The following STS variants were observed in gnomAD, a reference collection of about 807,000 sequenced individuals.
STS encodes the protein steroid sulfatase, also known as steryl-sulfatase.
STS carries 7 observed loss-of-function variants against 26.8 expected under a neutral mutation model. The ratio of observed to expected loss-of-function variants is 0.26; its 90% confidence interval spans 0.15 to 0.49. STS has a LOEUF of 0.49. Among genes scored for constraint, STS ranks in the 20% least tolerant of loss-of-function variants. The probability of loss-of-function intolerance (pLI) is 0.98; values close to 1 mark genes in which losing one functional copy is unlikely to be tolerated. For missense variants in STS, 434 were observed against 465.6 expected (o/e 0.93, Z 0.63); for synonymous variants, 199 against 189.4 (o/e 1.05, Z -0.42).
intron 9 of STS, among the ~76,000 whole-genome samples, chrX:7,331,575 G>T (rs1413096755): frequency 9.0e-6 from 1 of 111,519 alleles, no homozygotes; most frequent in Non-Finnish European, 1.9e-5. Flanking sequence ...AAGTGGATTG[G>T]CCCATCTCCC....
intron 1 of STS, among the ~76,000 whole-genome samples, chrX:7,167,969 C>T (rs1933386362): frequency 9.0e-6 from 1 of 111,383 alleles, no homozygotes; most frequent in Admixed American, 9.6e-5. Context: ...GCTGGGATTA[C>T]AGGCATGAGC....
intron 2 of STS, among the ~76,000 whole-genome samples, chrX:7,197,386 A>G (rs1483724499): frequency 9.0e-5 from 10 of 111,304 alleles, no homozygotes; most frequent in African/African-American, 3.3e-4. Flanking sequence ...CTTGTGCAAG[A>G]AGGAATTCAG....
intron 9 of STS, among the ~76,000 whole-genome samples, chrX:7,327,469 C>T (rs1387449192): frequency 1.9e-5 from 2 of 107,265 alleles, no homozygotes; most frequent in Non-Finnish European, 3.8e-5. Flanking sequence ...CTGCAACCTG[C>T]GACTCCCAAG....
At chrX:7,345,045 G>A (rs1319996753) in intron 10 of STS, among the ~76,000 whole-genome samples, 19 of 110,940 alleles carry the variant, frequency 1.7e-4, no homozygotes, top group Non-Finnish European at 1.9e-5. Flanking sequence ...GTCACTATGA[G>A]AAGCCAGAAG....
chrX:7,250,757 G>A (rs1267976381), intron 2 of STS, among the ~76,000 whole-genome samples: 1 of 112,243 alleles, frequency 8.9e-6, no homozygotes, highest in Non-Finnish European at 1.9e-5. Flanking sequence ...TTCAGTATTT[G>A]GATATACAGT....
chrX:7,241,463 T>C (rs185910553), intron 2 of STS, among the ~76,000 whole-genome samples: 161 of 111,953 alleles, frequency 1.4e-3, no homozygotes, highest in South Asian at 4.1e-3. Flanking sequence ...CTTTCAACTT[T>C]CAGTTATAAA....
intron 2 of STS, among the ~76,000 whole-genome samples, chrX:7,224,694 G>A (rs1921725378): frequency 8.9e-6 from 1 of 111,766 alleles, no homozygotes; most frequent in South Asian, 3.8e-4. Flanking sequence ...AATTTCTGTT[G>A]CTTATAAGCT....
intron 1 of STS, among the ~76,000 whole-genome samples, chrX:7,189,494 T>G (rs1472394556): frequency 8.9e-6 from 1 of 112,449 alleles, no homozygotes; most frequent in Non-Finnish European, 1.9e-5. Context: ...TGGAGGCAGC[T>G]GTGTTCTGAT....
intron 1 of STS, among the ~76,000 whole-genome samples, chrX:7,187,095 G>A (rs1185440724): frequency 5.4e-5 from 6 of 112,026 alleles, no homozygotes; most frequent in African/African-American, 1.6e-4. Flanking sequence ...TGCTAAGTGT[G>A]TCAGCCATCA....
intron 6 of STS, among the ~76,000 whole-genome samples, chrX:7,275,650 C>A (rs1386102898): frequency 9.0e-6 from 1 of 110,783 alleles, no homozygotes; most frequent in Non-Finnish European, 1.9e-5. Context: ...CAACAAAAAA[C>A]AAATATAGGC....
At chrX:7,160,618 A>G (rs1217352507) in intron 1 of STS, among the ~76,000 whole-genome samples, 1 of 111,869 alleles carries the variant, frequency 8.9e-6, no homozygotes, top group Non-Finnish European at 1.9e-5. Context: ...CTCATATATG[A>G]AAATACTGCA....
chrX:7,301,051 G>A (rs767301923), intron 7 of STS, among the ~76,000 whole-genome samples: 58 of 111,166 alleles, frequency 5.2e-4, no homozygotes, highest in African/African-American at 1.8e-3. Context: ...CACAGCCCGT[G>A]TAAGGTGGGC....
At chrX:7,209,504 TAAA>T (rs1920979156) in intron 2 of STS, among the ~76,000 whole-genome samples, 1 of 104,396 alleles carries the variant, frequency 9.6e-6, no homozygotes, top group Admixed American at 1.1e-4. Flanking sequence ...AATATATGAT[TAAA>T]AATGAAAAAA....
At chrX:7,348,134 A>G (rs1361558711) in intron 10 of STS, among the ~76,000 whole-genome samples, 5 of 111,229 alleles carry the variant, frequency 4.5e-5, no homozygotes, top group African/African-American at 1.6e-4. Flanking sequence ...CTTCTTTAAT[A>G]TATTAATCTA....
chrX:7,323,351 T>C (rs1189703338), intron 8 of STS, among the ~76,000 whole-genome samples: 2 of 110,924 alleles, frequency 1.8e-5, no homozygotes, highest in East Asian at 5.6e-4. Context: ...TAGTACCTGA[T>C]AGTTTTTCAC....
intron 2 of STS, among the ~76,000 whole-genome samples, chrX:7,200,828 CT>C (rs1404988426): frequency 8.9e-6 from 1 of 111,791 alleles, no homozygotes; most frequent in Non-Finnish European, 1.9e-5. Context: ...CCCCTTTCCC[CT>C]GTTCACCTGC....
intron 2 of STS, among the ~76,000 whole-genome samples, chrX:7,216,349 G>A (rs772647426): frequency 9.0e-6 from 1 of 111,473 alleles, no homozygotes; most frequent in Admixed American, 9.5e-5. Context: ...AACTTCAACA[G>A]GGCTGCAACT....
intron 7 of STS, among the ~76,000 whole-genome samples, chrX:7,300,731 GC>G (rs1925924754): frequency 9.0e-6 from 1 of 111,308 alleles, no homozygotes; most frequent in Non-Finnish European, 1.9e-5. Context: ...ACTAATCCCA[GC>G]CCAGTTGTAT....
chrX:7,167,508 G>A (rs1933376875), intron 1 of STS, among the ~76,000 whole-genome samples: 1 of 111,879 alleles, frequency 8.9e-6, no homozygotes, highest in Non-Finnish European at 1.9e-5. Flanking sequence ...GAGCCACCGC[G>A]CCCAGCCCAA....
Sources: allele counts gnomAD v4.1 joint callset (sites outside exome capture counted in the v4.1 genomes callset), GRCh38; gene constraint gnomAD v4.1.1; transcripts MANE v1.5; gene names NCBI Gene and HGNC (gene_info 2026-07-23, HGNC 2026-07-21).